Variants in TAFA1 observed in about 807,000 individuals in gnomAD.
The protein encoded by TAFA1 is TAFA chemokine like family member 1.
TAFA1 carries 4 observed loss-of-function variants against 18.5 expected under a neutral mutation model. That is an observed-to-expected ratio of 0.22 (90% CI 0.11 to 0.49). The LOEUF (loss-of-function observed/expected upper bound fraction) is 0.49. Ranked by LOEUF, TAFA1 falls within the 20% of genes least tolerant of loss-of-function variation. The pLI is 0.98. For missense variants in TAFA1, 147 were observed against 169.0 expected (o/e 0.87, Z 0.72); for synonymous variants, 56 against 55.2 (o/e 1.01, Z -0.06).
At chr3:68,046,610 G>C (rs1342471838) in intron 2 of TAFA1, among the ~76,000 whole-genome samples, 2 of 152,146 alleles carry the variant, frequency 1.3e-5, no homozygotes, top group Admixed American at 6.5e-5. Flanking sequence ...TATTGATTGA[G>C]TGCTTACTGA....
chr3:67,996,148 C>T, the TAFA1 span, among the ~76,000 whole-genome samples: 14 of 152,114 alleles, frequency 9.2e-5, no homozygotes, highest in East Asian at 1.9e-4. Context: ...TTCTAGTCTC[C>T]GTACCTCATT....
chr3:68,507,020 T>G (rs1190399330), intron 3 of TAFA1, among the ~76,000 whole-genome samples: 2 of 152,116 alleles, frequency 1.3e-5, no homozygotes, highest in Non-Finnish European at 2.9e-5. Flanking sequence ...CATAGCAAAT[T>G]CATAGCTTTC....
Position 68,258,249 on chromosome 3 carries a change from G to A in TAFA1, c.119-159031G>A, listed in dbSNP as rs1024269416. Among the ~76,000 whole-genome samples, 19 of 152,246 alleles carry A rather than the reference G, an allele frequency of 1.2e-4. No individual in the cohort carries two copies. The East Asian group carries it at 1.7e-3, about 14-fold the overall frequency. On this transcript the variant is annotated intron_variant, in intron 2 of 4. Coordinates refer to ENST00000478136, the MANE Select transcript of TAFA1 (RefSeq NM_213609.4). ...TGGAAGGGCTCTCTGTAGTATCTTC[G>A]CAACTTTCTGTAAATCTAAAATATT...
intron 2 of TAFA1, among the ~76,000 whole-genome samples, chr3:68,281,180 T>C (rs1036437325): frequency 6.6e-6 from 1 of 152,120 alleles, no homozygotes; most frequent in African/African-American, 2.4e-5. Context: ...ACAATAGGCA[T>C]GATAAATCTT....
At chr3:68,247,643 T>C (rs1308989915) in intron 2 of TAFA1, 1 of 152,250 alleles carries the variant, frequency 6.6e-6, no homozygotes, top group East Asian at 1.9e-4. Flanking sequence ...TATAAATCCT[T>C]TTCACTTTTG....
At chr3:68,429,463 G>A (rs879523083) in intron 3 of TAFA1, among the ~76,000 whole-genome samples, 1 of 151,806 alleles carries the variant, frequency 6.6e-6, no homozygotes. Context: ...GACCCCATGT[G>A]GGAACTGCTG....
intron 2 of TAFA1, among the ~76,000 whole-genome samples, chr3:68,415,712 A>G (rs2070821291): frequency 6.6e-6 from 1 of 152,096 alleles, no homozygotes; most frequent in Non-Finnish European, 1.5e-5. Flanking sequence ...GCTCGGCACT[A>G]ACCCCTTTAC....
chr3:68,486,166 T>A (rs2072336482), intron 3 of TAFA1, among the ~76,000 whole-genome samples: 1 of 151,112 alleles, frequency 6.6e-6, no homozygotes, highest in African/African-American at 2.4e-5. Flanking sequence ...AGGGTCTCAA[T>A]AAGTTGCCCA....
chr3:68,494,601 AG>A (rs1434201289), intron 3 of TAFA1, among the ~76,000 whole-genome samples: 9 of 152,210 alleles, frequency 5.9e-5, no homozygotes, highest in Non-Finnish European at 1.3e-4. Flanking sequence ...AGACTCCAGT[AG>A]TCATCTTGGT....
intron 2 of TAFA1, among the ~76,000 whole-genome samples, chr3:68,193,813 G>A (rs750015833): frequency 1.3e-5 from 2 of 151,576 alleles, no homozygotes; most frequent in Non-Finnish European, 3.0e-5. Context: ...TCAGGTTTCT[G>A]CCGCCCTAAT....
intron 2 of TAFA1, among the ~76,000 whole-genome samples, chr3:68,253,455 C>G (rs948987166): frequency 1.3e-5 from 2 of 152,204 alleles, no homozygotes; most frequent in Non-Finnish European, 2.9e-5. Flanking sequence ...GAAACCATCA[C>G]TGGCCACTCT....
chr3:68,333,152 G>A (rs770259116), intron 2 of TAFA1, among the ~76,000 whole-genome samples: 2 of 152,080 alleles, frequency 1.3e-5, no homozygotes, highest in Admixed American at 6.5e-5. Flanking sequence ...CTATTCTTGG[G>A]TATATACTTA....
At chr3:68,152,316 AT>A (rs746326770) in intron 2 of TAFA1, among the ~76,000 whole-genome samples, 79 of 150,830 alleles carry the variant, frequency 5.2e-4, no homozygotes, top group African/African-American at 1.6e-3. Context: ...AGGAATCTGC[AT>A]TTTTTTTTGC....
intron 2 of TAFA1, among the ~76,000 whole-genome samples, chr3:68,402,603 A>C (rs1477152053): frequency 6.6e-6 from 1 of 152,142 alleles, no homozygotes; most frequent in African/African-American, 2.4e-5. Flanking sequence ...CTTTTCTCCT[A>C]AATGTGTGTT....
chr3:68,370,986 A>G (rs1457875049), intron 2 of TAFA1, among the ~76,000 whole-genome samples: 1 of 152,076 alleles, frequency 6.6e-6, no homozygotes, highest in African/African-American at 2.4e-5. Flanking sequence ...ATAAAATTGA[A>G]CTACCGTAAT....
At chr3:68,359,667 C>T (rs764025779) in intron 2 of TAFA1, among the ~76,000 whole-genome samples, 7 of 151,736 alleles carry the variant, frequency 4.6e-5, no homozygotes, top group Non-Finnish European at 7.4e-5. Flanking sequence ...CCAGTGGGAC[C>T]GATGTTAAAC....
chr3:68,113,095 G>C (rs1326909726), intron 2 of TAFA1, among the ~76,000 whole-genome samples: 3 of 152,134 alleles, frequency 2.0e-5, no homozygotes, highest in African/African-American at 7.2e-5. Flanking sequence ...GAAATACAAA[G>C]CCCTATTAAT....
At chr3:68,111,792 G>GAGAGAA (rs1402644650) in intron 2 of TAFA1, among the ~76,000 whole-genome samples, 8 of 151,374 alleles carry the variant, frequency 5.3e-5, no homozygotes, top group Non-Finnish European at 1.0e-4. Context: ...GAGAGAGAGA[G>GAGAGAA]AGAGAGAGAG....
At chr3:68,305,241 G>A (rs1426297635) in intron 2 of TAFA1, among the ~76,000 whole-genome samples, 5 of 147,468 alleles carry the variant, frequency 3.4e-5, no homozygotes, top group African/African-American at 7.4e-5. Context: ...TTTTTCCCCC[G>A]ATGTTTTCTT....
Sources: allele counts gnomAD v4.1 joint callset (sites outside exome capture counted in the v4.1 genomes callset), GRCh38; gene constraint gnomAD v4.1.1; transcripts MANE v1.5; gene names NCBI Gene and HGNC (gene_info 2026-07-23, HGNC 2026-07-21).